PCDH7: variants seen among roughly 807,000 people sequenced by gnomAD.
The protein encoded by PCDH7 is protocadherin 7.
In PCDH7, 17 loss-of-function variants were observed where a neutral mutation model predicts 58.9. That is an observed-to-expected ratio of 0.29 (90% confidence interval 0.20 to 0.43). The LOEUF (loss-of-function observed/expected upper bound fraction) is 0.43. Among genes scored for constraint, PCDH7 ranks in the 20% least tolerant of loss-of-function variants. The probability of loss-of-function intolerance (pLI) is 1.00; values close to 1 mark genes in which losing one functional copy is unlikely to be tolerated. For synonymous variants in PCDH7, 664 were observed against 616.4 expected (o/e 1.08, Z -1.14); for missense variants, 1,274 against 1,441.0 (o/e 0.88, Z 1.88).
At chr4:30,770,762 T>G (rs970511104) in intron 1 of PCDH7, among the ~76,000 whole-genome samples, 1 of 152,130 alleles carries the variant, frequency 6.6e-6, no homozygotes, top group East Asian at 1.9e-4. Context: ...CATTAAATAA[T>G]TTTCACCGTG....
At chr4:30,850,712 G>C (rs890684183) in intron 1 of PCDH7, among the ~76,000 whole-genome samples, 1 of 151,930 alleles carries the variant, frequency 6.6e-6, no homozygotes, top group African/African-American at 2.4e-5. Context: ...CCTATTCCAC[G>C]GCTGGACACT....
intron 3 of PCDH7, among the ~76,000 whole-genome samples, chr4:31,041,598 C>G (rs1475305562): frequency 2.0e-5 from 3 of 152,024 alleles, no homozygotes; most frequent in Non-Finnish European, 4.4e-5. Flanking sequence ...TTGCATTGAG[C>G]AGTCCTACAA....
chr4:30,949,414 T>G, intron 2 of PCDH7, among the ~76,000 whole-genome samples: 1 of 152,146 alleles, frequency 6.6e-6, no homozygotes, highest in East Asian at 1.9e-4. Context: ...AAAATTCAAA[T>G]AATTTACTGC....
At chr4:30,832,410 G>A (rs182680673) in intron 1 of PCDH7, among the ~76,000 whole-genome samples, 17 of 152,158 alleles carry the variant, frequency 1.1e-4, no homozygotes, top group Non-Finnish European at 1.2e-4. Context: ...TGTAAGCATC[G>A]ACAGATTTTT....
chr4:30,844,034 T>A (rs550403623), intron 1 of PCDH7, among the ~76,000 whole-genome samples: 14 of 152,306 alleles, frequency 9.2e-5, no homozygotes, highest in African/African-American at 3.4e-4. Flanking sequence ...CACTGTATGG[T>A]TCTCTTGCTT....
chr4:30,972,908 G>A (rs1310427911), intron 3 of PCDH7, among the ~76,000 whole-genome samples: 1 of 152,050 alleles, frequency 6.6e-6, no homozygotes, highest in Non-Finnish European at 1.5e-5. Flanking sequence ...CATTGTGTTT[G>A]GTTCTTTCTA....
rs116520577 is a variant in PCDH7 at position 30,999,865 on chromosome 4, C to T, written c.*7+49650C>T. 5.5e-3 allele frequency among the ~76,000 whole-genome samples: 831 copies of T among 151,930 alleles called. 5 individuals are homozygous for T. Among genetic ancestry groups the T allele is most frequent in the South Asian group, 5.6e-3 (27 of 4,808 alleles). ...AAGCACCTAATTTAGATTATAATTC[C>T]GAGGAAAACATTTGTGTTAATACCG... On this transcript the variant is annotated intron_variant, in intron 3 of 3. Transcript: ENST00000509759.
intron 1 of PCDH7, among the ~76,000 whole-genome samples, chr4:30,794,509 G>A (rs1724537918): frequency 6.6e-6 from 1 of 152,062 alleles, no homozygotes; most frequent in Non-Finnish European, 1.5e-5. Context: ...AATTTCTTTA[G>A]AATTGTTACA....
intron 3 of PCDH7, among the ~76,000 whole-genome samples, chr4:31,107,486 T>A (rs192772947): frequency 6.6e-6 from 1 of 152,276 alleles, no homozygotes; most frequent in East Asian, 1.9e-4. Context: ...CTTGCTTAGC[T>A]CGCACAGATG....
intron 2 of PCDH7, among the ~76,000 whole-genome samples, chr4:30,928,195 G>T (rs1284532286): frequency 6.6e-6 from 1 of 152,096 alleles, no homozygotes; most frequent in Non-Finnish European, 1.5e-5. Context: ...AAAGTGCTAG[G>T]ATCATAGACA....
intron 1 of PCDH7, among the ~76,000 whole-genome samples, chr4:30,760,676 C>T (rs1409306449): frequency 6.6e-6 from 1 of 152,142 alleles, no homozygotes; most frequent in African/African-American, 2.4e-5. Context: ...CTACAAACCA[C>T]TGCTCAAGGA....
At chr4:30,725,126 G>T in intron 1 of PCDH7, 1 of 999,596 alleles carries the variant, frequency 1.0e-6, no homozygotes, top group Non-Finnish European at 1.2e-6. Flanking sequence ...CTGAGATATT[G>T]AAATACTGAC....
chr4:30,897,992 T>G (rs1177869362), intron 1 of PCDH7, among the ~76,000 whole-genome samples: 1 of 152,184 alleles, frequency 6.6e-6, no homozygotes, highest in Admixed American at 6.5e-5. Context: ...TGGAAATGTT[T>G]TTCTTTCCTC....
intron 3 of PCDH7, among the ~76,000 whole-genome samples, chr4:31,054,588 C>A (rs1757004360): frequency 6.6e-6 from 1 of 152,130 alleles, no homozygotes; most frequent in African/African-American, 2.4e-5. Context: ...TTGGAAAATT[C>A]TTTTAGTACC....
chr4:31,008,447 T>C (rs920580084), intron 3 of PCDH7, among the ~76,000 whole-genome samples: 11 of 152,204 alleles, frequency 7.2e-5, no homozygotes, highest in Non-Finnish European at 1.3e-4. Flanking sequence ...AAAATGTTTG[T>C]TTTTCAATTC....
intron 1 of PCDH7, among the ~76,000 whole-genome samples, chr4:30,778,350 G>A (rs930356947): frequency 2.6e-5 from 4 of 152,002 alleles, no homozygotes; most frequent in Non-Finnish European, 5.9e-5. Flanking sequence ...ATATTGCCTT[G>A]TAATCAAGCA....
At chr4:30,724,948 A>G (rs1577542916) in intron 1 of PCDH7, 2 of 1,047,930 alleles carry the variant, frequency 1.9e-6, no homozygotes, top group African/African-American at 3.4e-5. Flanking sequence ...ACCTGAAATT[A>G]TTTTCTTCTG....
chr4:30,790,837 T>C (rs1236978917), intron 1 of PCDH7, among the ~76,000 whole-genome samples: 1 of 152,028 alleles, frequency 6.6e-6, no homozygotes, highest in Non-Finnish European at 1.5e-5. Context: ...GTGGGAGGAT[T>C]GCTTGAGCCT....
chr4:30,988,525 C>T (rs1159965935), intron 3 of PCDH7, among the ~76,000 whole-genome samples: 1 of 152,036 alleles, frequency 6.6e-6, no homozygotes, highest in Non-Finnish European at 1.5e-5. Context: ...AGTACACAGG[C>T]CTTGGATTGT....
Sources: allele counts gnomAD v4.1 joint callset (sites outside exome capture counted in the v4.1 genomes callset), GRCh38; gene constraint gnomAD v4.1.1; transcripts MANE v1.5; gene names NCBI Gene and HGNC (gene_info 2026-07-23, HGNC 2026-07-21).